DCDC1: variants seen among roughly 807,000 people sequenced by gnomAD.
DCDC1 encodes doublecortin domain containing 1.
In DCDC1, 200 loss-of-function variants were observed where a neutral mutation model predicts 178.3. That is an observed-to-expected ratio of 1.12 (90% CI 1.00 to 1.26). DCDC1 has a LOEUF of 1.26. Ranked by LOEUF, DCDC1 falls within the 50% of genes most tolerant of loss-of-function variation. The probability of loss-of-function intolerance (pLI) is 0.00; values close to 1 mark genes in which losing one functional copy is unlikely to be tolerated. For missense variants in DCDC1, 1,983 were observed against 1,749.2 expected (o/e 1.13, Z -2.38); for synonymous variants, 690 against 604.8 (o/e 1.14, Z -2.07).
chr11:31,272,751 C>A (rs188154005), intron 7 of DCDC1, among the ~76,000 whole-genome samples: 1 of 152,236 alleles, frequency 6.6e-6, no homozygotes, highest in African/African-American at 2.4e-5. Flanking sequence ...TCTACTCCTG[C>A]GGCTTTGCAG....
At chr11:31,264,798 C>T (rs1321923336) in intron 8 of DCDC1, among the ~76,000 whole-genome samples, 1 of 152,090 alleles carries the variant, frequency 6.6e-6, no homozygotes, top group Admixed American at 6.6e-5. Flanking sequence ...AATGATGTGC[C>T]GGAGCCAACT....
At chr11:31,045,395 CTT>C (rs10680628) in intron 20 of DCDC1, among the ~76,000 whole-genome samples, 11 of 143,376 alleles carry the variant, frequency 7.7e-5, no homozygotes, top group Admixed American at 2.8e-4. Flanking sequence ...TTTCTTTTTC[CTT>C]TTTTTTTTTT....
intron 9 of DCDC1, among the ~76,000 whole-genome samples, chr11:31,153,508 C>A (rs1965388876): frequency 6.6e-6 from 1 of 152,058 alleles, no homozygotes; most frequent in Admixed American, 6.6e-5. Flanking sequence ...ACTGGCCAGT[C>A]GCAGTGGCTC....
At chr11:31,237,138 C>T (rs1384502489) in intron 9 of DCDC1, among the ~76,000 whole-genome samples, 1 of 151,854 alleles carries the variant, frequency 6.6e-6, no homozygotes, top group African/African-American at 2.4e-5. Context: ...TTATATTATA[C>T]TATTGTTTGA....
chr11:31,167,561 T>C (rs1173559405), intron 9 of DCDC1, among the ~76,000 whole-genome samples: 2 of 152,212 alleles, frequency 1.3e-5, no homozygotes, highest in Non-Finnish European at 2.9e-5. Context: ...TAATTGCTTT[T>C]TAAATGGTCT....
At chr11:30,931,733 G>T in intron 22 of DCDC1, 38 bp downstream of exon 22, 1 of 1,559,462 alleles carries the variant, frequency 6.4e-7, no homozygotes, top group South Asian at 1.2e-5. Flanking sequence ...GTACAAACTA[G>T]AAAGTGTATT....
At chr11:31,184,394 T>A (rs938439385) in intron 9 of DCDC1, among the ~76,000 whole-genome samples, 8 of 152,088 alleles carry the variant, frequency 5.3e-5, no homozygotes, top group African/African-American at 1.9e-4. Context: ...ACTTCATGAC[T>A]AAAACACCAA....
intron 22 of DCDC1, among the ~76,000 whole-genome samples, chr11:30,926,154 G>C (rs948454138): frequency 1.3e-5 from 2 of 152,210 alleles, no homozygotes; most frequent in Non-Finnish European, 2.9e-5. Flanking sequence ...TGTGAGAACA[G>C]AGGGGAAAAC....
At chr11:31,023,579 A>G (rs140724007) in intron 20 of DCDC1, among the ~76,000 whole-genome samples, 38 of 152,218 alleles carry the variant, frequency 2.5e-4, no homozygotes, top group South Asian at 1.0e-3. Context: ...ATCTAGAAAC[A>G]TATAATTACA....
At position 31,307,542 on chromosome 11, in the gene DCDC1, T is replaced by A. The variant is rs1051270183; in HGVS notation, c.434+97A>T. The stretch of plus-strand genomic sequence containing the variant: ...CAAAACCCGAGAGATGTGTTACATT[T>A]TAATGTCTGAGATAGTCAATTGAAA... On this transcript the variant is annotated intron_variant, in intron 4 of 38. Coordinates refer to ENST00000684477, the MANE Select transcript of DCDC1 (RefSeq NM_001387274.1). 5 of 1,469,166 alleles carry A rather than the reference T, an allele frequency of 3.4e-6. No individual in the cohort carries two copies. In the East Asian group the frequency reaches 9.1e-5, roughly 27 times the overall value. The allele number at this position is 1,469,166 out of a possible 1,614,324, so 91.0% of individuals were successfully genotyped here. A position where few individuals can be genotyped will look rare whatever the true frequency, so the allele number is the denominator to read the frequency against.
intron 9 of DCDC1, among the ~76,000 whole-genome samples, chr11:31,209,555 G>A (rs286648): frequency 0.7 from 105,761 of 152,108 alleles, 37,779 homozygotes; most frequent in East Asian, 0.96. Context: ...ATAAACTCCA[G>A]TGAAATAAAA....
chr11:31,108,970 G>A (rs1311197754), intron 12 of DCDC1, among the ~76,000 whole-genome samples: 1 of 152,156 alleles, frequency 6.6e-6, no homozygotes, highest in African/African-American at 2.4e-5. Context: ...AGTTGTCCTT[G>A]GGTGGTGTCA....
chr11:31,331,987 T>C (rs1328200727), intron 2 of DCDC1, among the ~76,000 whole-genome samples: 1 of 152,164 alleles, frequency 6.6e-6, no homozygotes. Context: ...TGGTAGAATT[T>C]GACTGTGAAT....
chr11:30,991,133 G>GTTCA (rs1950954756), intron 20 of DCDC1, among the ~76,000 whole-genome samples: 1 of 152,122 alleles, frequency 6.6e-6, no homozygotes, highest in Non-Finnish European at 1.5e-5. Context: ...TGAGGAGGCT[G>GTTCA]GCTTGAAACA....
intron 20 of DCDC1, among the ~76,000 whole-genome samples, chr11:30,978,358 G>T (rs1299183194): frequency 6.6e-6 from 1 of 152,136 alleles, no homozygotes; most frequent in Non-Finnish European, 1.5e-5. Flanking sequence ...CAGAGATCCT[G>T]ACCATCTTGC....
intron 30 of DCDC1, 68 bp from the exon 31 acceptor site, chr11:30,905,232 C>A (rs1944978935): frequency 6.8e-7 from 1 of 1,479,490 alleles, no homozygotes; most frequent in African/African-American, 1.4e-5. Flanking sequence ...ACACTTTAGT[C>A]TCTTAATAAA....
intron 7 of DCDC1, among the ~76,000 whole-genome samples, chr11:31,290,242 AG>A (rs1947125490): frequency 6.6e-6 from 1 of 152,024 alleles, no homozygotes; most frequent in South Asian, 2.1e-4. Context: ...TAGAGGAGCA[AG>A]GATGCTTTTA....
intron 15 of DCDC1, among the ~76,000 whole-genome samples, chr11:31,096,595 C>T (rs2135703727): frequency 6.6e-6 from 1 of 152,130 alleles, no homozygotes; most frequent in South Asian, 2.1e-4. Context: ...CCAGTATTAA[C>T]ACCATGCTGT....
intron 9 of DCDC1, among the ~76,000 whole-genome samples, chr11:31,210,998 T>A (rs1200557536): frequency 6.6e-6 from 1 of 152,216 alleles, no homozygotes; most frequent in African/African-American, 2.4e-5. Context: ...GTTTCATAAA[T>A]TCTGAAGAAG....
Sources: allele counts gnomAD v4.1 joint callset (sites outside exome capture counted in the v4.1 genomes callset), GRCh38; gene constraint gnomAD v4.1.1; transcripts MANE v1.5; gene names NCBI Gene and HGNC (gene_info 2026-07-23, HGNC 2026-07-21).